KATNIP: variants seen among roughly 807,000 people sequenced by gnomAD.
The protein encoded by KATNIP is katanin-interacting protein.
A neutral mutation model predicts 174.0 loss-of-function variants in KATNIP; 126 were observed. The ratio of observed to expected loss-of-function variants is 0.72; its 90% CI spans 0.63 to 0.84. KATNIP has a LOEUF of 0.84. Among genes scored for constraint, KATNIP ranks in the 40% least tolerant of loss-of-function variants. The pLI, the probability that KATNIP is intolerant of heterozygous loss-of-function variation, is 0.00. For synonymous variants in KATNIP, 810 were observed against 835.7 expected, an observed-to-expected ratio of 0.97 and a Z score of 0.53; for missense variants, 1,958 against 2,109.7, an observed-to-expected ratio of 0.93 and a Z score of 1.41.
intron 1 of KATNIP, among the ~76,000 whole-genome samples, chr16:27,572,422 A>G (rs2090342316): frequency 6.6e-6 from 1 of 151,176 alleles, no homozygotes; most frequent in Admixed American, 6.6e-5. Flanking sequence ...GCAGGCATGT[A>G]GCCAGTTTCA....
intron 2 of KATNIP, among the ~76,000 whole-genome samples, chr16:27,585,686 CAT>C (rs771348557): frequency 3.3e-5 from 5 of 152,192 alleles, no homozygotes; most frequent in Non-Finnish European, 7.3e-5. Flanking sequence ...ACAAACTTCA[CAT>C]GTTCTCACTT....
intron 5 of KATNIP, among the ~76,000 whole-genome samples, chr16:27,648,297 A>AC (rs2077019288): frequency 6.6e-6 from 1 of 152,090 alleles, no homozygotes; most frequent in Non-Finnish European, 1.5e-5. Context: ...TGACTCAAAA[A>AC]AAAAAAAAAA....
intron 4 of KATNIP, among the ~76,000 whole-genome samples, chr16:27,629,969 T>C (rs1350671956): frequency 1.3e-5 from 2 of 152,192 alleles, no homozygotes; most frequent in African/African-American, 4.8e-5. Context: ...GCTATGACTA[T>C]GCCACTGTAC....
chr16:27,555,884 C>T (rs2141545131), intron 1 of KATNIP, among the ~76,000 whole-genome samples: 1 of 151,480 alleles, frequency 6.6e-6, no homozygotes, highest in East Asian at 1.9e-4. Context: ...TCATGCCTGA[C>T]TTTGGGAGGC....
chr16:27,562,603 A>G (rs907513272), intron 1 of KATNIP, among the ~76,000 whole-genome samples: 1 of 152,224 alleles, frequency 6.6e-6, no homozygotes, highest in Non-Finnish European at 1.5e-5. Context: ...CGTTTTCACA[A>G]GTGCAAAGTC....
chr16:27,719,558 T>C (rs2080120840), intron 13 of KATNIP, among the ~76,000 whole-genome samples: 1 of 151,988 alleles, frequency 6.6e-6, no homozygotes, highest in South Asian at 2.1e-4. Flanking sequence ...TTTTTTTTCT[T>C]TTAGTAGAGA....
intron 5 of KATNIP, among the ~76,000 whole-genome samples, chr16:27,639,710 GTGT>G (rs2076738561): frequency 6.6e-6 from 1 of 152,236 alleles, no homozygotes; most frequent in Non-Finnish European, 1.5e-5. Context: ...AAAATGGGAA[GTGT>G]TGGGGGCCCT....
chr16:27,757,197 G>A (rs79044003), intron 18 of KATNIP, among the ~76,000 whole-genome samples: 4,472 of 152,284 alleles, frequency 0.029, 100 homozygotes, highest in Middle Eastern at 0.058. Flanking sequence ...AGATCCTCCC[G>A]CCTCAGCCTC....
In KATNIP at chr16:27,777,973, A is replaced by T. The variant is rs781181773; in HGVS notation, c.4801+4A>T. On this transcript the variant is annotated splice_donor_region_variant and intron_variant, in intron 27 of 27. Coordinates refer to ENST00000261588, the MANE Select transcript of KATNIP (RefSeq NM_015202.5). This position sits in a 1 kb window ranked among gnomAD's most constrained non-coding sequence, Gnocchi z 4.4. ...AAGCAGAGCGTTGTTGACCCAGGTC[A>T]GTGGCGTTTCTCTGCCCAGAGCATT... 6.2e-7 allele frequency: 1 copy of T among 1,613,712 alleles called. No individual in the cohort carries two copies. The highest frequency in any genetic ancestry group is 8.5e-7 in the Non-Finnish European group (1 of 1,179,652).
At chr16:27,743,283 A>G (rs1431328375) in intron 15 of KATNIP, among the ~76,000 whole-genome samples, 3 of 152,026 alleles carry the variant, frequency 2.0e-5, no homozygotes, top group Non-Finnish European at 2.9e-5. Flanking sequence ...GGTTAATTAC[A>G]TGTCTTAATG....
At chr16:27,713,586 T>G (rs994865129) in intron 13 of KATNIP, among the ~76,000 whole-genome samples, 40 of 149,930 alleles carry the variant, frequency 2.7e-4, no homozygotes, top group Non-Finnish European at 4.7e-4. Flanking sequence ...ATAAAAAAAA[T>G]TAATTAAAAA....
chr16:27,723,106 G>A (rs1298389689), intron 14 of KATNIP, among the ~76,000 whole-genome samples: 1 of 152,174 alleles, frequency 6.6e-6, no homozygotes, highest in Admixed American at 6.5e-5. Flanking sequence ...GGCCCTGCGT[G>A]TTCACAGGCA....
intron 5 of KATNIP, among the ~76,000 whole-genome samples, chr16:27,646,272 A>G (rs2076953979): frequency 6.6e-6 from 1 of 152,216 alleles, no homozygotes; most frequent in Admixed American, 6.5e-5. Flanking sequence ...TGTTAGGGAC[A>G]GGATGGTCCC....
rs1303573251 is a variant in KATNIP at position 27,740,458 on chromosome 16, G to T, written c.2161G>T (p.Val721Leu). 6.2e-7 allele frequency: 1 copy of T among 1,614,100 alleles called. No individual in the cohort carries two copies. The highest frequency in any genetic ancestry group is 1.7e-5 in the Admixed American group (1 of 60,030). ...MPSAPATSPP[V>L]KCPPVHEEPS... ...CAGTGCTCCTGCCACTTCCCCACCT[G>T]TGAAGTGCCCTCCTGTCCATGAGGA... The change falls in exon 15 of 28, where the codon GTG becomes TTG. Residue 721 changes from valine (V) to leucine (L), a missense_variant. By Grantham distance (32) the Val-to-Leu change is conservative (BLOSUM62 1). This residue lies in a region of KATNIP where 1,557 missense variants were observed against 1,617.8 expected (regional missense o/e 0.96). Transcript: ENST00000261588.
At chr16:27,669,879 G>T (rs1187117365) in intron 6 of KATNIP, among the ~76,000 whole-genome samples, 1 of 151,834 alleles carries the variant, frequency 6.6e-6, no homozygotes, top group African/African-American at 2.4e-5. Flanking sequence ...TAGAGTTGGG[G>T]GTCTCACTTT....
In KATNIP at chr16:27,698,479, G is replaced by A. The variant is rs1597207508; in HGVS notation, c.1092G>A (p.Glu364=). The change falls in exon 9 of 28, where the codon GAG becomes GAA. Residue 364 remains glutamate, a synonymous_variant. Coordinates refer to ENST00000261588, the MANE Select transcript of KATNIP (RefSeq NM_015202.5). The stretch of plus-strand genomic sequence containing the variant: ...GGGCGCTCCTCAGCAGAAAGGCCGA[G>A]CAGCCAGCCAGCCCACTGCAGGTGC... ...LQRALLSRKA[E]QPASPLQDAE... The A allele has an allele frequency of 6.2e-7, 1 of 1,610,824 alleles. No homozygotes were observed. The highest frequency in any genetic ancestry group is 1.1e-5 in the South Asian group (1 of 90,668).
rs140415979 is a variant in KATNIP, at chr16:27,560,895, G to A, written c.7+10718G>A. Among the ~76,000 whole-genome samples the A allele has an allele frequency of 2.0e-3, 310 of 152,274 alleles. 3 individuals are homozygous for A. Among genetic ancestry groups the A allele is most frequent in the African/African-American group, 6.6e-3 (275 of 41,546 alleles). On this transcript the variant is annotated intron_variant, in intron 1 of 27. Coordinates refer to ENST00000261588, the MANE Select transcript of KATNIP (RefSeq NM_015202.5). ...CACTGTAACCAGGAAAGAGATTAAC[G>A]GATTTGTTCCCTAGTGAATTGCTGG...
At chr16:27,582,647 G>C (rs888501991) in intron 2 of KATNIP, among the ~76,000 whole-genome samples, 2 of 152,150 alleles carry the variant, frequency 1.3e-5, no homozygotes, top group Non-Finnish European at 2.9e-5. Context: ...AAACAGCGTG[G>C]ATTCCTAGGC....
intron 2 of KATNIP, among the ~76,000 whole-genome samples, chr16:27,609,348 G>A (rs942073579): frequency 2.1e-5 from 3 of 143,846 alleles, no homozygotes; most frequent in Non-Finnish European, 4.5e-5. Context: ...CAGGGGAGAC[G>A]TCACTGAGAA....
Sources: gnomAD v4.1 joint callset for allele counts (sites outside exome capture counted in the v4.1 genomes callset) on GRCh38, gnomAD v4.1.1 for gene constraint, gnomAD v4.1.1 regional missense constraint, Gnocchi (gnomAD v3.1) non-coding constraint, MANE v1.5 for transcripts, NCBI Gene and HGNC (gene_info 2026-07-23, HGNC 2026-07-21) for gene names.